The following PARN variants were observed in gnomAD, a reference collection of about 807,000 sequenced individuals.
PARN encodes poly(A)-specific ribonuclease PARN.
A neutral mutation model predicts 102.8 loss-of-function variants in PARN; 71 were observed. The ratio of observed to expected loss-of-function variants is 0.69; its 90% CI spans 0.57 to 0.84. The LOEUF is 0.84. Ranked by LOEUF, PARN falls within the 40% of genes least tolerant of loss-of-function variation. The probability of loss-of-function intolerance (pLI) is 0.00; values close to 1 mark genes in which losing one functional copy is unlikely to be tolerated. For missense variants in PARN, 782 were observed against 760.9 expected, an observed-to-expected ratio of 1.03 and a Z score of -0.33; for synonymous variants, 261 against 252.9, an observed-to-expected ratio of 1.03 and a Z score of -0.30.
intron 21 of PARN, among the ~76,000 whole-genome samples, chr16:14,524,777 C>T (rs980731276): frequency 2.0e-5 from 3 of 152,202 alleles, no homozygotes; most frequent in African/African-American, 7.2e-5. Flanking sequence ...ATCAGTGCCA[C>T]TCGGATCCTG....
intron 6 of PARN, among the ~76,000 whole-genome samples, chr16:14,616,537 G>T (rs919682765): frequency 1.3e-5 from 2 of 152,202 alleles, no homozygotes; most frequent in African/African-American, 4.8e-5. Context: ...TTCGAGGACA[G>T]GAGTTTGGGA....
chr16:14,541,322 G>T (rs1966839017), intron 21 of PARN, among the ~76,000 whole-genome samples: 1 of 152,026 alleles, frequency 6.6e-6, no homozygotes, highest in South Asian at 2.1e-4. Flanking sequence ...TTGGTATATA[G>T]ACCCAGCCCA....
intron 20 of PARN, 63 bp downstream of exon 20, chr16:14,554,002 T>C: frequency 9.9e-7 from 1 of 1,013,806 alleles, no homozygotes; most frequent in Non-Finnish European, 1.5e-6. Flanking sequence ...TCTTTCTACT[T>C]CTGACCACCT....
intron 21 of PARN, among the ~76,000 whole-genome samples, chr16:14,514,989 T>G (rs1965391753): frequency 6.6e-6 from 1 of 152,108 alleles, no homozygotes; most frequent in East Asian, 1.9e-4. Flanking sequence ...CTGTGGGGAG[T>G]AACACAGTAT....
chr16:14,482,579 A>G, intron 22 of PARN, 59 bp downstream of exon 22: 1 of 1,346,958 alleles, frequency 7.4e-7, no homozygotes, highest in Non-Finnish European at 1.0e-6. Flanking sequence ...TATGAGAAGC[A>G]ACAAGAAAAG....
intron 20 of PARN, among the ~76,000 whole-genome samples, chr16:14,553,580 T>A (rs956930301): frequency 6.6e-6 from 1 of 152,156 alleles, no homozygotes; most frequent in Non-Finnish European, 1.5e-5. Flanking sequence ...TAAACACTTA[T>A]CAGGAGACTG....
intron 21 of PARN, among the ~76,000 whole-genome samples, chr16:14,546,410 A>G (rs1406307864): frequency 1.3e-5 from 2 of 152,206 alleles, no homozygotes; most frequent in African/African-American, 4.8e-5. Context: ...AGGAATTCAT[A>G]CAACTATCTG....
intron 22 of PARN, among the ~76,000 whole-genome samples, chr16:14,451,264 G>A (rs531851440): frequency 2.6e-5 from 4 of 152,106 alleles, no homozygotes; most frequent in Non-Finnish European, 4.4e-5. Flanking sequence ...ACTCTCCTCC[G>A]GGAATGTTCC....
At chr16:14,602,440 C>T (rs910622150) in intron 11 of PARN, among the ~76,000 whole-genome samples, 1 of 152,144 alleles carries the variant, frequency 6.6e-6, no homozygotes, top group Non-Finnish European at 1.5e-5. Flanking sequence ...GTGCTCAACA[C>T]TGACAAACCT....
chr16:14,566,594 C>G (rs1968449100), intron 18 of PARN, among the ~76,000 whole-genome samples: 1 of 152,144 alleles, frequency 6.6e-6, no homozygotes, highest in African/African-American at 2.4e-5. Context: ...CCACAGAACA[C>G]TAATCCAATA....
At chr16:14,450,132 A>C (rs1194014437) in intron 22 of PARN, among the ~76,000 whole-genome samples, 3 of 152,240 alleles carry the variant, frequency 2.0e-5, no homozygotes, top group East Asian at 3.8e-4. Flanking sequence ...CAGTTACCAA[A>C]AAGAATGAAG....
chr16:14,510,559 A>C (rs1251888695), intron 21 of PARN, among the ~76,000 whole-genome samples: 1 of 152,216 alleles, frequency 6.6e-6, no homozygotes, highest in Non-Finnish European at 1.5e-5. Context: ...AAAGAAAAAA[A>C]CTCAGAGACT....
In PARN at chr16:14,602,871, T is replaced by C. The variant is rs954954043; in HGVS notation, c.783+1275A>G. 4.6e-5 allele frequency among the ~76,000 whole-genome samples: 7 copies of C among 151,982 alleles called. 1 individual carries two copies. Among genetic ancestry groups the C allele is most frequent in the Admixed American group, 3.9e-4 (6 of 15,224 alleles). ...AAAGCCCTGAGCTGCAGCCTAGAAC[T>C]CATCCTCAGTGAAGCCACATCACAA... On this transcript the variant is annotated intron_variant, in intron 11 of 23. Transcript: ENST00000437198.
intron 21 of PARN, among the ~76,000 whole-genome samples, chr16:14,546,914 G>A (rs922465386): frequency 1.3e-5 from 2 of 151,930 alleles, no homozygotes; most frequent in African/African-American, 4.8e-5. Context: ...CCAACATGGT[G>A]AACCCTCGTC....
At chr16:14,533,450 AGG>A (rs1966468182) in intron 21 of PARN, among the ~76,000 whole-genome samples, 1 of 33,064 alleles carries the variant, frequency 3.0e-5, no homozygotes, top group Non-Finnish European at 5.0e-5. Context: ...GGAGAGGGAG[AGG>A]GAGAGGGAGA....
intron 22 of PARN, among the ~76,000 whole-genome samples, chr16:14,452,863 G>C (rs1186812197): frequency 6.6e-6 from 1 of 152,196 alleles, no homozygotes; most frequent in East Asian, 1.9e-4. Context: ...AACTACGGCA[G>C]TTTTAAATAA....
At chr16:14,630,083 G>A (rs371201553) in intron 1 of PARN, 24 bp downstream of exon 1, 1 of 1,553,172 alleles carries the variant, frequency 6.4e-7, no homozygotes, top group African/African-American at 1.4e-5. Flanking sequence ...TGGGGAGGCG[G>A]GGAGGTGTAC....
At chr16:14,448,302 C>T (rs1224519264) in intron 22 of PARN, among the ~76,000 whole-genome samples, 4 of 152,192 alleles carry the variant, frequency 2.6e-5, no homozygotes, top group East Asian at 1.9e-4. Flanking sequence ...GCATGCACCA[C>T]GAAGTCTGGC....
chr16:14,520,602 G>C (rs747716484), intron 21 of PARN, among the ~76,000 whole-genome samples: 1 of 152,066 alleles, frequency 6.6e-6, no homozygotes, highest in South Asian at 2.1e-4. Flanking sequence ...GGGAGGCTGA[G>C]GCAGGAGAAC....
Sources: gnomAD v4.1 joint callset for allele counts (sites outside exome capture counted in the v4.1 genomes callset) on GRCh38, gnomAD v4.1.1 for gene constraint, MANE v1.5 for transcripts, NCBI Gene and HGNC (gene_info 2026-07-23, HGNC 2026-07-21) for gene names.